NTM: variants seen among roughly 807,000 people sequenced by gnomAD.
NTM encodes the protein neurotrimin, also known as IgLON family member 2.
In NTM, 13 loss-of-function variants were observed where a neutral mutation model predicts 42.1. The ratio of observed to expected loss-of-function variants is 0.31; its 90% CI spans 0.20 to 0.49. The LOEUF (loss-of-function observed/expected upper bound fraction) is 0.49, where lower values mean the gene tolerates loss of function less well. NTM is among the 20% of genes least tolerant of loss of function. The probability of loss-of-function intolerance (pLI) is 0.99; values close to 1 mark genes in which losing one functional copy is unlikely to be tolerated. For synonymous variants in NTM, 187 were observed against 179.2 expected (o/e 1.04, Z -0.35); for missense variants, 373 against 452.8 (o/e 0.82, Z 1.60).
intron 4 of NTM, among the ~76,000 whole-genome samples, chr11:132,268,768 T>C (rs2093344256): frequency 6.6e-6 from 1 of 152,056 alleles, no homozygotes; most frequent in Non-Finnish European, 1.5e-5. Context: ...CTAATGCTAA[T>C]ATTTTAGTTC....
intron 2 of NTM, among the ~76,000 whole-genome samples, chr11:132,125,304 T>TGG (rs1491082834): frequency 8.7e-5 from 12 of 137,700 alleles, no homozygotes; most frequent in Non-Finnish European, 1.8e-4. Context: ...TGTGTGTGTG[T>TGG]GGTGTGGTAT....
intron 2 of NTM, among the ~76,000 whole-genome samples, chr11:132,124,000 G>A (rs2065258309): frequency 6.6e-6 from 1 of 152,074 alleles, no homozygotes; most frequent in South Asian, 2.1e-4. Context: ...TGTGACCCGA[G>A]GCAATTTATT....
chr11:132,132,431 T>C (rs1196886914), intron 2 of NTM, among the ~76,000 whole-genome samples: 3 of 152,208 alleles, frequency 2.0e-5, no homozygotes, highest in Non-Finnish European at 4.4e-5. Context: ...AAATATAGAG[T>C]AAGGAATATG....
intron 2 of NTM, among the ~76,000 whole-genome samples, chr11:131,998,150 C>G (rs1463596538): frequency 6.6e-6 from 1 of 152,092 alleles, no homozygotes; most frequent in Non-Finnish European, 1.5e-5. Context: ...TTTACGGGGT[C>G]ATAAAAGTCC....
intron 4 of NTM, 44 bp from the exon 5 acceptor site, chr11:132,307,645 T>C: frequency 6.2e-7 from 1 of 1,609,870 alleles, no homozygotes; most frequent in Non-Finnish European, 8.5e-7. Flanking sequence ...TGTTTGGTCT[T>C]TTTTTTCCTT....
chr11:131,464,583 T>G (rs1344018030), intron 1 of NTM, among the ~76,000 whole-genome samples: 1 of 152,064 alleles, frequency 6.6e-6, no homozygotes, highest in Non-Finnish European at 1.5e-5. Flanking sequence ...TACTGCCCCC[T>G]CCCCAACTCC....
chr11:132,104,938 TATATATATATATATATATATATA>T, intron 2 of NTM, among the ~76,000 whole-genome samples: 1 of 4,088 alleles, frequency 2.4e-4, no homozygotes, highest in African/African-American at 6.8e-4. Context: ...TATACATATG[TATATATATATATATATATATATA>T]TATATATATA....
At chr11:131,989,145 T>C (rs60127407) in intron 2 of NTM, among the ~76,000 whole-genome samples, 18,806 of 152,178 alleles carry the variant, frequency 0.12, 1,638 homozygotes, top group East Asian at 0.43. Flanking sequence ...TAAAATACAC[T>C]GGACTGAAAG....
chr11:131,645,249 C>G (rs1374826674), intron 1 of NTM, among the ~76,000 whole-genome samples: 1 of 152,166 alleles, frequency 6.6e-6, no homozygotes, highest in East Asian at 1.9e-4. Flanking sequence ...AATGACAAGG[C>G]CCTGCACTTG....
At chr11:132,274,054 G>T (rs2139732137) in intron 4 of NTM, among the ~76,000 whole-genome samples, 1 of 152,094 alleles carries the variant, frequency 6.6e-6, no homozygotes, top group East Asian at 1.9e-4. Flanking sequence ...GATCCTTTTT[G>T]TTCTGTAAGT....
chr11:131,547,554 C>T (rs2054108789), intron 1 of NTM, among the ~76,000 whole-genome samples: 1 of 152,100 alleles, frequency 6.6e-6, no homozygotes, highest in South Asian at 2.1e-4. Context: ...TTCTTAGAGT[C>T]CTTGTCCTCT....
At chr11:131,671,470 T>G (rs2070219514) in intron 1 of NTM, 1 of 985,272 alleles carries the variant, frequency 1.0e-6, no homozygotes, top group Non-Finnish European at 1.2e-6. Flanking sequence ...TTGCAGAGAA[T>G]GTGGTTGAAT....
chr11:131,854,688 T>C (rs2045930892), intron 1 of NTM, among the ~76,000 whole-genome samples: 1 of 152,160 alleles, frequency 6.6e-6, no homozygotes. Context: ...AGTTTGGATT[T>C]TGTTTTAAGA....
chr11:131,982,090 G>GA lies in NTM; in HGVS notation c.167+70451dup, dbSNP rs896373356. On this transcript the variant is annotated intron_variant, in intron 2 of 8. Coordinates refer to ENST00000683400, the MANE Select transcript of NTM (RefSeq NM_001352005.2). ...ACAACACAACAAAAAACACTAAAAGGAAAAAAAAAGAAACCGTGCAGTTTG... is the reference window on the plus strand; with the variant it reads ...ACAACACAACAAAAAACACTAAAAGGAAAAAAAAAAGAAACCGTGCAGTTTG... Among the ~76,000 whole-genome samples, 8 of 150,326 alleles carry GA rather than the reference G, an allele frequency of 5.3e-5. No homozygotes were observed. The East Asian group carries it at 5.9e-4, about 11-fold the overall frequency.
chr11:132,196,272 C>G (rs1055348528), intron 3 of NTM, among the ~76,000 whole-genome samples: 1 of 151,932 alleles, frequency 6.6e-6, no homozygotes, highest in Non-Finnish European at 1.5e-5. Context: ...AGTCAGAATG[C>G]TATTATTAAA....
intron 3 of NTM, among the ~76,000 whole-genome samples, chr11:132,180,512 G>A (rs751443410): frequency 7.9e-5 from 12 of 152,152 alleles, no homozygotes; most frequent in Non-Finnish European, 1.5e-4. Flanking sequence ...TAAGCAAGTA[G>A]CTCTGGTCTT....
At chr11:131,744,625 TAA>T (rs147425331) in intron 1 of NTM, among the ~76,000 whole-genome samples, 1 of 151,874 alleles carries the variant, frequency 6.6e-6, no homozygotes, top group East Asian at 1.9e-4. Context: ...ATGTTTTTTT[TAA>T]AAAAAAGATG....
At chr11:131,951,718 A>G (rs576564262) in intron 2 of NTM, among the ~76,000 whole-genome samples, 3 of 149,604 alleles carry the variant, frequency 2.0e-5, no homozygotes, top group Non-Finnish European at 4.4e-5. Flanking sequence ...GCTACTCAGG[A>G]GGCTGAGGCA....
intron 1 of NTM, among the ~76,000 whole-genome samples, chr11:131,503,337 C>A (rs907220676): frequency 6.6e-6 from 1 of 152,072 alleles, no homozygotes; most frequent in Non-Finnish European, 1.5e-5. Flanking sequence ...CAGGGTAGAT[C>A]TGGGGAGGAT....
Sources: allele counts gnomAD v4.1 joint callset (sites outside exome capture counted in the v4.1 genomes callset), GRCh38; gene constraint gnomAD v4.1.1; transcripts MANE v1.5; gene names NCBI Gene and HGNC (gene_info 2026-07-23, HGNC 2026-07-21).